The following CSMD1 variants were observed in gnomAD, a reference collection of about 807,000 sequenced individuals.
The protein encoded by CSMD1 is CUB and Sushi multiple domains 1.
Under a neutral mutation model 417.5 loss-of-function variants are expected in CSMD1, and 213 were observed. The observed-to-expected ratio is 0.51, with a 90% CI of 0.46 to 0.57. The LOEUF is 0.57. Ranked by LOEUF, CSMD1 falls within the 20% of genes least tolerant of loss-of-function variation. CSMD1 has a pLI of 0.00. For missense variants in CSMD1, 6,923 were observed against 4,529.7 expected, an observed-to-expected ratio of 1.53 and a Z score of -15.17; for synonymous variants, 2,862 against 1,736.8, an observed-to-expected ratio of 1.65 and a Z score of -16.11.
chr8:3,190,211 G>A (rs1273836554), intron 33 of CSMD1, 96 bp from the exon 34 acceptor site: 1 of 794,704 alleles, frequency 1.3e-6, no homozygotes, highest in Non-Finnish European at 2.0e-6. Flanking sequence ...AAGGAGAGCT[G>A]ATGCAGACAG....
intron 1 of CSMD1, among the ~76,000 whole-genome samples, chr8:4,678,771 T>A (rs542788403): frequency 1.3e-5 from 2 of 152,182 alleles, no homozygotes; most frequent in African/African-American, 4.8e-5. Context: ...AAGTTGTCTC[T>A]CGTCTTACCT....
intron 1 of CSMD1, among the ~76,000 whole-genome samples, chr8:4,950,399 C>A (rs1408780273): frequency 6.6e-6 from 1 of 150,884 alleles, no homozygotes. Context: ...ATGTTACCCA[C>A]AAACAAGCGT....
intron 3 of CSMD1, among the ~76,000 whole-genome samples, chr8:4,174,910 T>C (rs1004725382): frequency 6.6e-6 from 1 of 150,766 alleles, no homozygotes; most frequent in Non-Finnish European, 1.5e-5. Flanking sequence ...TCTGACATCT[T>C]TGCAGAACTG....
Position 2,938,761 on chromosome 8 carries a change from A to G in CSMD1, c.10536-17T>C. 2 of 1,584,458 alleles carry G rather than the reference A, an allele frequency of 1.3e-6. No homozygotes were observed. Among genetic ancestry groups the G allele is most frequent in the Admixed American group, 1.8e-5 (1 of 55,534 alleles). ...GGTCTCGTTCTAAGGAAAACAGAAA[A>G]CAAATCATTAGAATCCTGGTTTCAT... On this transcript the variant is annotated splice_polypyrimidine_tract_variant and intron_variant, in intron 69 of 69. Coordinates refer to ENST00000635120, the MANE Select transcript of CSMD1 (RefSeq NM_033225.6).
chr8:4,953,985 C>T (rs1808914301), intron 1 of CSMD1, among the ~76,000 whole-genome samples: 1 of 152,106 alleles, frequency 6.6e-6, no homozygotes, highest in Admixed American at 6.5e-5. Context: ...ACCGAGATTA[C>T]CAGAAACACA....
At chr8:3,602,462 G>C (rs1801409765) in intron 8 of CSMD1, among the ~76,000 whole-genome samples, 1 of 152,096 alleles carries the variant, frequency 6.6e-6, no homozygotes, top group Non-Finnish European at 1.5e-5. Flanking sequence ...CAATGCACTG[G>C]TTGGTCATTG....
chr8:4,664,640 G>C (rs1223250742), intron 1 of CSMD1, among the ~76,000 whole-genome samples: 1 of 152,114 alleles, frequency 6.6e-6, no homozygotes, highest in Non-Finnish European at 1.5e-5. Context: ...TTCTCAGATT[G>C]TCACGTCAAA....
chr8:4,833,140 A>T (rs1352936698), intron 1 of CSMD1, among the ~76,000 whole-genome samples: 1 of 152,194 alleles, frequency 6.6e-6, no homozygotes, highest in Non-Finnish European at 1.5e-5. Context: ...AGTAAAATTG[A>T]TATCCACTGT....
intron 1 of CSMD1, among the ~76,000 whole-genome samples, chr8:4,961,790 G>A (rs989703788): frequency 6.6e-6 from 1 of 151,710 alleles, no homozygotes; most frequent in Non-Finnish European, 1.5e-5. Flanking sequence ...GACTCTTTTT[G>A]TATTGTTTGA....
rs548081776 is a variant in CSMD1 at position 4,697,924 on chromosome 8, C to T, written c.86-60366G>A. On this transcript the variant is annotated intron_variant, in intron 1 of 69. Coordinates refer to ENST00000635120, the MANE Select transcript of CSMD1 (RefSeq NM_033225.6). The stretch of plus-strand genomic sequence containing the variant: ...TAAGAATAACACAGACTGCCAACCA[C>T]GTTTAAAACATTGGTCCTGTCAAGA... 5.9e-5 allele frequency among the ~76,000 whole-genome samples: 9 copies of T among 152,198 alleles called. No homozygotes were observed. The East Asian group carries it at 7.7e-4, about 13-fold the overall frequency.
At chr8:4,059,709 C>T (rs1173870020) in intron 3 of CSMD1, among the ~76,000 whole-genome samples, 1 of 152,178 alleles carries the variant, frequency 6.6e-6, no homozygotes. Flanking sequence ...TGGATAATTT[C>T]CTCGACACCT....
At chr8:3,634,395 C>T (rs1016821257) in intron 7 of CSMD1, among the ~76,000 whole-genome samples, 6 of 152,184 alleles carry the variant, frequency 3.9e-5, no homozygotes, top group Admixed American at 3.9e-4. Flanking sequence ...CTCAGGAGAG[C>T]TTCTGTGGTC....
intron 41 of CSMD1, 28 bp downstream of exon 41, chr8:3,142,437 G>A: frequency 1.3e-6 from 2 of 1,560,916 alleles, no homozygotes; most frequent in Non-Finnish European, 1.8e-6. Flanking sequence ...TTTAGATTTG[G>A]GTTTCGGTTC....
intron 7 of CSMD1, among the ~76,000 whole-genome samples, chr8:3,704,077 C>T (rs1415484152): frequency 3.9e-5 from 6 of 151,926 alleles, no homozygotes; most frequent in Non-Finnish European, 5.9e-5. Context: ...TCTCAAAAAA[C>T]AAAAACAAAA....
intron 7 of CSMD1, among the ~76,000 whole-genome samples, chr8:3,628,752 G>A (rs994089692): frequency 1.1e-4 from 17 of 152,136 alleles, no homozygotes; most frequent in Non-Finnish European, 1.8e-4. Context: ...ATACGGAAAA[G>A]TGACCAGCGC....
intron 3 of CSMD1, among the ~76,000 whole-genome samples, chr8:4,100,025 A>T (rs928373527): frequency 2.2e-4 from 34 of 152,190 alleles, no homozygotes; most frequent in Non-Finnish European, 1.2e-4. Context: ...GACTTCCAGA[A>T]GAAGATATAA....
intron 2 of CSMD1, among the ~76,000 whole-genome samples, chr8:4,573,004 G>C (rs1221933830): frequency 2.6e-5 from 4 of 152,138 alleles, no homozygotes; most frequent in Non-Finnish European, 5.9e-5. Context: ...AGTTATTCAA[G>C]TGAGCAGTTC....
intron 2 of CSMD1, among the ~76,000 whole-genome samples, chr8:4,423,856 T>C (rs1006188308): frequency 2.0e-5 from 3 of 152,056 alleles, no homozygotes; most frequent in Non-Finnish European, 4.4e-5. Context: ...TATCGGCAGA[T>C]TGGCAAAGAC....
chr8:4,704,863 AAG>A (rs900085515), intron 1 of CSMD1, among the ~76,000 whole-genome samples: 2 of 152,142 alleles, frequency 1.3e-5, no homozygotes, highest in Non-Finnish European at 2.9e-5. Flanking sequence ...CACCCTAGAG[AAG>A]GCTCCAAAAA....
Sources: allele counts gnomAD v4.1 joint callset (sites outside exome capture counted in the v4.1 genomes callset), GRCh38; gene constraint gnomAD v4.1.1; transcripts MANE v1.5; gene names NCBI Gene and HGNC (gene_info 2026-07-23, HGNC 2026-07-21).